PRR14L: variants seen among roughly 807,000 people sequenced by gnomAD.
PRR14L encodes protein PRR14L.
PRR14L carries 80 observed loss-of-function variants against 155.0 expected under a neutral mutation model. The observed-to-expected ratio is 0.52, with a 90% confidence interval of 0.43 to 0.62. PRR14L has a LOEUF of 0.62. Among genes scored for constraint, PRR14L ranks in the 20% least tolerant of loss-of-function variants. The pLI is 0.00. For synonymous variants in PRR14L, 883 were observed against 916.0 expected, an observed-to-expected ratio of 0.96 and a Z score of 0.65; for missense variants, 2,469 against 2,548.0, an observed-to-expected ratio of 0.97 and a Z score of 0.67.
chr22:31,724,052 G>A (rs2074704688), intron 3 of PRR14L, among the ~76,000 whole-genome samples: 1 of 152,140 alleles, frequency 6.6e-6, no homozygotes, highest in African/African-American at 2.4e-5. Context: ...TAGGAGCGTG[G>A]ACCCTATTGT....
intron 8 of PRR14L, among the ~76,000 whole-genome samples, chr22:31,687,506 A>G (rs1284484878): frequency 6.6e-6 from 1 of 151,044 alleles, no homozygotes; most frequent in African/African-American, 2.4e-5. Context: ...GGTGTGAGCC[A>G]CCATGCCCGG....
At chr22:31,732,420 T>C (rs1162600646) in intron 2 of PRR14L, among the ~76,000 whole-genome samples, 1 of 152,182 alleles carries the variant, frequency 6.6e-6, no homozygotes, top group Non-Finnish European at 1.5e-5. Context: ...AAACACCTGC[T>C]TTCCTTCTAG....
At chr22:31,727,390 C>T (rs1274302176) in intron 2 of PRR14L, among the ~76,000 whole-genome samples, 5 of 151,838 alleles carry the variant, frequency 3.3e-5, no homozygotes, top group South Asian at 4.2e-4. Context: ...CACGCCGCCA[C>T]ACCTGGTTAA....
chr22:31,739,270 G>A (rs534405694), intron 1 of PRR14L, among the ~76,000 whole-genome samples: 3 of 152,056 alleles, frequency 2.0e-5, no homozygotes, highest in Non-Finnish European at 2.9e-5. Context: ...TGTTTTCATG[G>A]GCATGAACCT....
At chr22:31,730,605 G>A (rs1242307825) in intron 2 of PRR14L, among the ~76,000 whole-genome samples, 3 of 152,176 alleles carry the variant, frequency 2.0e-5, no homozygotes, top group African/African-American at 7.2e-5. Flanking sequence ...GATTCTGCCA[G>A]GTTTCTCCAT....
intron 2 of PRR14L, among the ~76,000 whole-genome samples, chr22:31,730,158 C>T (rs1234516966): frequency 1.4e-5 from 2 of 146,342 alleles, no homozygotes; most frequent in African/African-American, 5.1e-5. Flanking sequence ...AAAAAAAAAT[C>T]GCCGGGCGCT....
intron 1 of PRR14L, among the ~76,000 whole-genome samples, chr22:31,745,363 C>T (rs1367002874): frequency 1.3e-5 from 2 of 151,336 alleles, no homozygotes; most frequent in Non-Finnish European, 1.5e-5. Context: ...GGCGACAGAG[C>T]GAGACTCCGT....
chr22:31,706,734 T>C (rs1169338820), intron 4 of PRR14L, among the ~76,000 whole-genome samples: 3 of 152,196 alleles, frequency 2.0e-5, no homozygotes, highest in Middle Eastern at 3.4e-3. Flanking sequence ...CTAGAAACCA[T>C]TTGTAAGCTT....
intron 7 of PRR14L, among the ~76,000 whole-genome samples, chr22:31,694,823 AC>A (rs1004422060): frequency 3.3e-5 from 5 of 151,318 alleles, no homozygotes; most frequent in African/African-American, 1.2e-4. Flanking sequence ...GCGGTGGCTC[AC>A]GCCTATAATC....
rs955585415 is a variant in PRR14L, at chr22:31,717,096, G to A, written c.743C>T (p.Thr248Ile). Residue 248 changes from threonine to isoleucine, a missense_variant, in exon 4 of 9, where the codon ACA (threonine) becomes ATA (isoleucine). Around this residue, in one of 2 missense-constraint regions of PRR14L, gnomAD observed 2,363 missense variants for 2,371.6 expected, o/e 1.00. Coordinates refer to ENST00000327423, the MANE Select transcript of PRR14L (RefSeq NM_173566.3). ...MTSDEVSETS[T>I]LVTPEPLTFV... ...GGTTAAAGGTTCTGGGGTAACTAATGTGCTGGTTTCTGAAACCTCATCACT... is the reference window on the plus strand; with the variant it reads ...GGTTAAAGGTTCTGGGGTAACTAATATGCTGGTTTCTGAAACCTCATCACT... 2.6e-6 allele frequency: 4 copies of A among 1,551,978 alleles called. No individual in the cohort carries two copies. The African/African-American group carries it at 5.5e-5, about 21-fold the overall frequency.
At chr22:31,731,565 CAAAAAAA>C (rs55727852) in intron 2 of PRR14L, among the ~76,000 whole-genome samples, 11 of 49,262 alleles carry the variant, frequency 2.2e-4, no homozygotes, top group Non-Finnish European at 3.6e-4. Context: ...GAGACTGTCT[CAAAAAAA>C]AAAAAAAAAA....
intron 4 of PRR14L, among the ~76,000 whole-genome samples, chr22:31,711,146 G>C (rs2074618700): frequency 6.6e-6 from 1 of 152,176 alleles, no homozygotes; most frequent in Admixed American, 6.6e-5. Context: ...CTTGTAATGG[G>C]TGTTTGTTTT....
intron 7 of PRR14L, among the ~76,000 whole-genome samples, chr22:31,698,670 C>T (rs2074547517): frequency 6.6e-6 from 1 of 152,012 alleles, no homozygotes; most frequent in African/African-American, 2.4e-5. Context: ...CCTGTAATCC[C>T]AGCACTTTGG....
chr22:31,744,762 C>G (rs2074829040), intron 1 of PRR14L, among the ~76,000 whole-genome samples: 1 of 152,208 alleles, frequency 6.6e-6, no homozygotes, highest in African/African-American at 2.4e-5. Context: ...ACAGTTCTAG[C>G]TCAACATTTG....
rs142779817 is a variant in PRR14L at position 31,709,180 on chromosome 22, T to C, written c.5756+2903A>G. Among the ~76,000 whole-genome samples, 1,383 of 152,158 alleles carry C rather than the reference T, an allele frequency of 9.1e-3. 11 individuals carry two copies. Among genetic ancestry groups the C allele is most frequent in the Non-Finnish European group, 0.015 (1,026 of 67,964 alleles). On this transcript the variant is annotated intron_variant, in intron 4 of 8. Transcript: ENST00000327423. ...CTGGTCTTGAACTCCTGGCCTCAAG[T>C]GACCCACCTGCCTTGGCCTCCCAAA...
chr22:31,689,262 T>C (rs552035095), intron 7 of PRR14L, among the ~76,000 whole-genome samples: 6 of 152,284 alleles, frequency 3.9e-5, no homozygotes, highest in African/African-American at 1.2e-4. Context: ...GGCAAGAGAA[T>C]TGTTGAGCCC....
intron 5 of PRR14L, among the ~76,000 whole-genome samples, chr22:31,704,140 C>G (rs1194056746): frequency 6.6e-6 from 1 of 152,094 alleles, no homozygotes; most frequent in East Asian, 1.9e-4. Flanking sequence ...TCTTTCTTTC[C>G]AGAGAATAAT....
At chr22:31,707,037 G>A (rs1323467264) in intron 4 of PRR14L, among the ~76,000 whole-genome samples, 1 of 151,190 alleles carries the variant, frequency 6.6e-6, no homozygotes, top group Non-Finnish European at 1.5e-5. Flanking sequence ...AGACAAGAGT[G>A]AAACTCTGTC....
At position 31,712,091 on chromosome 22, in the gene PRR14L, G is replaced by A. The variant is rs918514735; in HGVS notation, c.5748C>T (p.Thr1916=). The part of the protein sequence containing the change: ...PHCKRQPSLG[T]TSSHTMLPYV... The stretch of plus-strand genomic sequence containing the variant: ...CAGGGGACAGATTTTACCTGCTTGT[G>A]GTGCCCAGACTTGGTTGCCGCTTGC... Residue 1916 remains threonine (T), a synonymous_variant, in exon 4 of 9, where the codon ACC becomes ACT. Coordinates refer to ENST00000327423, the MANE Select transcript of PRR14L (RefSeq NM_173566.3). 1 of 1,609,102 alleles carries A rather than the reference G, an allele frequency of 6.2e-7. No homozygotes were observed. Among genetic ancestry groups the A allele is most frequent in the Admixed American group, 1.7e-5 (1 of 59,052 alleles).
Sources: gnomAD v4.1 joint callset for allele counts (sites outside exome capture counted in the v4.1 genomes callset) on GRCh38, gnomAD v4.1.1 for gene constraint, gnomAD v4.1.1 regional missense constraint, MANE v1.5 for transcripts, NCBI Gene and HGNC (gene_info 2026-07-23, HGNC 2026-07-21) for gene names.